SGCZ: variants seen among roughly 807,000 people sequenced by gnomAD.
The protein encoded by SGCZ is sarcoglycan zeta, also known as zeta-sarcoglycan.
SGCZ carries 40 observed loss-of-function variants against 41.3 expected under a neutral mutation model. That is an observed-to-expected ratio of 0.97 (90% CI 0.75 to 1.26). The LOEUF is 1.26. SGCZ is among the 50% of genes most tolerant of loss of function. The probability of loss-of-function intolerance (pLI) is 0.00; values close to 1 mark genes in which losing one functional copy is unlikely to be tolerated. For synonymous variants in SGCZ, 206 were observed against 137.5 expected (o/e 1.50, Z -3.49); for missense variants, 552 against 369.8 (o/e 1.49, Z -4.04).
At chr8:14,751,721 T>C (rs1799503833) in intron 1 of SGCZ, among the ~76,000 whole-genome samples, 1 of 152,072 alleles carries the variant, frequency 6.6e-6, no homozygotes, top group Non-Finnish European at 1.5e-5. Context: ...GCTAATTTTT[T>C]GTATTTTTAG....
intron 1 of SGCZ, among the ~76,000 whole-genome samples, chr8:14,998,167 C>T (rs1201100380): frequency 1.3e-5 from 2 of 152,114 alleles, no homozygotes; most frequent in East Asian, 3.9e-4. Flanking sequence ...CTTAAAAGCC[C>T]AGAGGCACTA....
intron 1 of SGCZ, among the ~76,000 whole-genome samples, chr8:14,612,524 G>C (rs554462539): frequency 6.6e-6 from 1 of 152,098 alleles, no homozygotes; most frequent in Non-Finnish European, 1.5e-5. Flanking sequence ...GACTAATACA[G>C]AGGTTTATGG....
intron 1 of SGCZ, among the ~76,000 whole-genome samples, chr8:14,819,965 T>C (rs911247053): frequency 6.6e-6 from 1 of 151,972 alleles, no homozygotes; most frequent in Non-Finnish European, 1.5e-5. Flanking sequence ...AATGTACCTA[T>C]AAAAGAACCA....
intron 2 of SGCZ, among the ~76,000 whole-genome samples, chr8:14,367,934 T>C (rs1185929184): frequency 1.3e-5 from 2 of 152,092 alleles, no homozygotes; most frequent in African/African-American, 4.8e-5. Flanking sequence ...ATGAATGGAA[T>C]GATAAATCCC....
chr8:14,243,515 C>G (rs1046573006), intron 3 of SGCZ, among the ~76,000 whole-genome samples: 1 of 152,160 alleles, frequency 6.6e-6, no homozygotes, highest in African/African-American at 2.4e-5. Context: ...TGATTGATTC[C>G]TAACTCTCAG....
intron 1 of SGCZ, among the ~76,000 whole-genome samples, chr8:14,601,744 A>G (rs1032077235): frequency 1.8e-4 from 27 of 152,220 alleles, no homozygotes; most frequent in African/African-American, 6.0e-4. Context: ...GCATTAGTGA[A>G]AACTGGAAAA....
chr8:14,426,522 T>C (rs1055581363), intron 2 of SGCZ, among the ~76,000 whole-genome samples: 1 of 126,732 alleles, frequency 7.9e-6, no homozygotes, highest in African/African-American at 5.1e-5. Flanking sequence ...AAAGTGTCAG[T>C]TATGACCAGG....
chr8:14,894,788 A>G (rs1349363972), intron 1 of SGCZ, among the ~76,000 whole-genome samples: 1 of 152,188 alleles, frequency 6.6e-6, no homozygotes, highest in Non-Finnish European at 1.5e-5. Flanking sequence ...AAATAAATGA[A>G]TATAAAATAA....
At chr8:14,303,864 G>A (rs558074563) in intron 3 of SGCZ, among the ~76,000 whole-genome samples, 11 of 151,946 alleles carry the variant, frequency 7.2e-5, no homozygotes, top group African/African-American at 2.7e-4. Flanking sequence ...CCATTCTCCT[G>A]CTTCAGTCTC....
At chr8:14,236,356 G>A (rs959425072) in intron 4 of SGCZ, among the ~76,000 whole-genome samples, 8 of 151,958 alleles carry the variant, frequency 5.3e-5, no homozygotes, top group African/African-American at 1.7e-4. Context: ...CTTTTATGAT[G>A]TAAAGCAAAG....
rs17121054 is a variant in SGCZ, at chr8:15,156,333, C to A, written c.39+81252G>T. 3.9e-5 allele frequency among the ~76,000 whole-genome samples: 6 copies of A among 152,184 alleles called. No individual in the cohort carries two copies. The South Asian group carries it at 1.2e-3, about 32-fold the overall frequency. On this transcript the variant is annotated intron_variant, in intron 1 of 7. Transcript: ENST00000382080. ...TACGCAGAAATAAGAAATAAATTGT[C>A]ATTTAGGGTAGAAATAATTGCCTTA... is the stretch of plus-strand genomic sequence containing the variant.
At chr8:14,430,809 C>T (rs977192831) in intron 2 of SGCZ, among the ~76,000 whole-genome samples, 6 of 152,118 alleles carry the variant, frequency 3.9e-5, no homozygotes, top group East Asian at 3.9e-4. Flanking sequence ...AAGACTCCTC[C>T]GTAAAGCTCC....
At chr8:14,971,702 C>T (rs1389255268) in intron 1 of SGCZ, among the ~76,000 whole-genome samples, 3 of 140,676 alleles carry the variant, frequency 2.1e-5, no homozygotes, top group African/African-American at 8.0e-5. Context: ...CAGGCTGGAG[C>T]ACAGTGGCAC....
chr8:14,744,561 G>T (rs955186286), intron 1 of SGCZ, among the ~76,000 whole-genome samples: 6 of 152,032 alleles, frequency 3.9e-5, no homozygotes, highest in Non-Finnish European at 7.4e-5. Flanking sequence ...TCTGTGGAAG[G>T]CTTGTTGGAT....
intron 1 of SGCZ, among the ~76,000 whole-genome samples, chr8:15,071,159 G>C (rs1202070874): frequency 6.6e-6 from 1 of 152,068 alleles, no homozygotes; most frequent in Non-Finnish European, 1.5e-5. Flanking sequence ...ATAGTCTTTA[G>C]TAATGTGGCT....
chr8:15,139,685 A>T (rs955193779), intron 1 of SGCZ, among the ~76,000 whole-genome samples: 3 of 152,164 alleles, frequency 2.0e-5, no homozygotes, highest in Admixed American at 6.5e-5. Flanking sequence ...TATTTTAACT[A>T]TAGTCCTCAT....
In SGCZ at chr8:14,937,149, T is replaced by C. The variant is rs1800108822; in HGVS notation, c.39+300436A>G. 7.9e-5 allele frequency among the ~76,000 whole-genome samples: 12 copies of C among 151,848 alleles called. No individual in the cohort carries two copies. In the South Asian group the frequency reaches 2.3e-3, roughly 29 times the overall value. Reference sequence around the variant, plus strand: ...TAAACTTAAACACTCTTTGGCAACATTGTTCAACAGAAAAGAGAAACAGTA... The same window carrying C: ...TAAACTTAAACACTCTTTGGCAACACTGTTCAACAGAAAAGAGAAACAGTA... On this transcript the variant is annotated intron_variant, in intron 1 of 7. Coordinates refer to ENST00000382080, the MANE Select transcript of SGCZ (RefSeq NM_139167.4).
At chr8:14,489,689 T>C (rs1305892616) in intron 2 of SGCZ, among the ~76,000 whole-genome samples, 1 of 150,790 alleles carries the variant, frequency 6.6e-6, no homozygotes, top group East Asian at 1.9e-4. Context: ...TTATTAAATA[T>C]ATCGTAAATA....
chr8:15,059,966 G>T (rs1804857381), intron 1 of SGCZ, among the ~76,000 whole-genome samples: 1 of 152,272 alleles, frequency 6.6e-6, no homozygotes, highest in South Asian at 2.1e-4. Flanking sequence ...CTGAACAAGA[G>T]TTCTTACAGG....
Sources: allele counts gnomAD v4.1 joint callset (sites outside exome capture counted in the v4.1 genomes callset), GRCh38; gene constraint gnomAD v4.1.1; transcripts MANE v1.5; gene names NCBI Gene and HGNC (gene_info 2026-07-23, HGNC 2026-07-21).